The following DCX variants were observed in gnomAD, a reference collection of about 807,000 sequenced individuals.
DCX encodes the protein neuronal migration protein doublecortin.
A neutral mutation model predicts 20.9 loss-of-function variants in DCX; 4 were observed. That is an observed-to-expected ratio of 0.19 (90% CI 0.09 to 0.44). The LOEUF is 0.44. Ranked by LOEUF, DCX falls within the 20% of genes least tolerant of loss-of-function variation. DCX has a pLI of 0.99. For missense variants in DCX, 133 were observed against 296.9 expected, an observed-to-expected ratio of 0.45 and a Z score of 4.06; for synonymous variants, 103 against 111.4, an observed-to-expected ratio of 0.92 and a Z score of 0.47.
At chrX:111,336,916 G>T (rs1603416197) in intron 3 of DCX, among the ~76,000 whole-genome samples, 1 of 110,887 alleles carries the variant, frequency 9.0e-6, no homozygotes, top group Non-Finnish European at 1.9e-5. Flanking sequence ...GGAGAAGGAG[G>T]ACAAGGAGAG....
intron 3 of DCX, among the ~76,000 whole-genome samples, chrX:111,351,177 G>A (rs1923271393): frequency 8.9e-6 from 1 of 111,797 alleles, no homozygotes; most frequent in Admixed American, 9.5e-5. Context: ...ATAGGTAAGA[G>A]GATACAGTGT....
intron 3 of DCX, among the ~76,000 whole-genome samples, chrX:111,362,309 A>C (rs1197921538): frequency 9.0e-6 from 1 of 110,916 alleles, no homozygotes; most frequent in Non-Finnish European, 1.9e-5. Flanking sequence ...TTCATTCTTC[A>C]TCCTCTCCTC....
chrX:111,344,416 C>T (rs763852367), intron 3 of DCX, among the ~76,000 whole-genome samples: 4 of 111,428 alleles, frequency 3.6e-5, no homozygotes, highest in Admixed American at 9.5e-5. Context: ...AATAAATAAA[C>T]GGTATTCAAG....
intron 3 of DCX, among the ~76,000 whole-genome samples, chrX:111,397,298 A>G (rs934929987): frequency 1.8e-5 from 2 of 111,888 alleles, no homozygotes; most frequent in Middle Eastern, 4.6e-3. Flanking sequence ...ATTCCATAAC[A>G]AATAGTCTTG....
intron 3 of DCX, among the ~76,000 whole-genome samples, chrX:111,379,908 G>A (rs1026677336): frequency 1.8e-5 from 2 of 110,947 alleles, no homozygotes; most frequent in African/African-American, 6.5e-5. Flanking sequence ...GGTGTAAAGT[G>A]GTATCTCATT....
intron 3 of DCX, among the ~76,000 whole-genome samples, chrX:111,395,198 A>T (rs376410412): frequency 2.7e-5 from 3 of 111,993 alleles, no homozygotes; most frequent in African/African-American, 9.7e-5. Flanking sequence ...AAGGCTCCTT[A>T]AAAAATTAAG....
intron 3 of DCX, among the ~76,000 whole-genome samples, chrX:111,363,287 T>C (rs1182755435): frequency 9.1e-6 from 1 of 109,860 alleles, no homozygotes; most frequent in Non-Finnish European, 1.9e-5. Flanking sequence ...CACAAGCCAA[T>C]GGGGAGGGTG....
chrX:111,401,104 C>T lies in DCX; in HGVS notation c.591G>A (p.Val197=). The T allele has an allele frequency of 8.3e-7, 1 of 1,211,532 alleles. No homozygotes were observed. Among genetic ancestry groups the T allele is most frequent in the South Asian group, 1.8e-5 (1 of 56,968 alleles). The change falls in exon 3 of 7, where the codon GTG becomes GTA. Residue 197 remains valine, a synonymous_variant. Coordinates refer to ENST00000636035, the MANE Select transcript of DCX (RefSeq NM_001195553.2). ...SGVKPRKAVR[V]LLNKKTAHSF... ...AGTGGGCTGTCTTCTTGTTCAGAAG[C>T]ACACGCACAGCCTTCCGAGGCTTCA...
At chrX:111,379,272 G>C (rs1468354900) in intron 3 of DCX, among the ~76,000 whole-genome samples, 1 of 111,033 alleles carries the variant, frequency 9.0e-6, no homozygotes, top group East Asian at 2.8e-4. Context: ...ATGGTTTTTG[G>C]TACATACACA....
chrX:111,400,255 T>G, intron 3 of DCX, among the ~76,000 whole-genome samples: 1 of 111,660 alleles, frequency 9.0e-6, no homozygotes, highest in South Asian at 3.8e-4. Flanking sequence ...ATCTGTCTGA[T>G]GGAGACGCCT....
chrX:111,396,821 T>C (rs1423007450), intron 3 of DCX, among the ~76,000 whole-genome samples: 3 of 111,511 alleles, frequency 2.7e-5, no homozygotes, highest in African/African-American at 9.8e-5. Context: ...GAAGTCCATT[T>C]TAATCCCTGG....
Position 111,301,502 on chromosome X carries a change from G to A in DCX, c.*185C>T, listed in dbSNP as rs1387445892. 8.0e-6 allele frequency: 4 copies of A among 501,322 alleles called. No homozygotes were observed. The highest frequency in any genetic ancestry group is 1.4e-5 in the Non-Finnish European group (4 of 278,107). The allele number at this position is 501,322 out of a possible 1,213,427, so 41.3% of individuals were successfully genotyped here. ...TCTCATAATTGGTAACTGTGGATCA[G>A]TGGCCCAGAGGAGAAATCACAGGAA... On this transcript the variant is annotated 3_prime_UTR_variant, in exon 7 of 7. Coordinates refer to ENST00000636035, the MANE Select transcript of DCX (RefSeq NM_001195553.2).
chrX:111,320,642 T>C (rs2095084231), intron 5 of DCX, among the ~76,000 whole-genome samples: 1 of 110,924 alleles, frequency 9.0e-6, no homozygotes, highest in Non-Finnish European at 1.9e-5. Flanking sequence ...TTATATATGG[T>C]ACAAATTCTC....
chrX:111,383,274 T>C (rs1926122003), intron 3 of DCX, among the ~76,000 whole-genome samples: 2 of 112,115 alleles, frequency 1.8e-5, no homozygotes, highest in South Asian at 7.6e-4. Context: ...TATAGATTTA[T>C]GTCCTTGTGC....
At chrX:111,395,470 T>C (rs1004339659) in intron 3 of DCX, among the ~76,000 whole-genome samples, 6 of 112,180 alleles carry the variant, frequency 5.3e-5, no homozygotes, top group African/African-American at 1.9e-4. Flanking sequence ...ACTGAAGAAA[T>C]AACTGATCAC....
chrX:111,337,363 C>T (rs1453837157), intron 3 of DCX, among the ~76,000 whole-genome samples: 2 of 110,316 alleles, frequency 1.8e-5, no homozygotes, highest in Admixed American at 9.7e-5. Flanking sequence ...AACATTGAAC[C>T]ATTAACTCAA....
At chrX:111,365,261 G>C (rs766088601) in intron 3 of DCX, among the ~76,000 whole-genome samples, 1 of 108,810 alleles carries the variant, frequency 9.2e-6, no homozygotes, top group African/African-American at 3.3e-5. Flanking sequence ...AAGCAGAACT[G>C]TTCACTCATT....
chrX:111,320,866 C>T (rs1443240990), intron 5 of DCX, among the ~76,000 whole-genome samples: 1 of 110,237 alleles, frequency 9.1e-6, no homozygotes, highest in Non-Finnish European at 1.9e-5. Flanking sequence ...CACACACATG[C>T]ACACACATGT....
intron 3 of DCX, among the ~76,000 whole-genome samples, chrX:111,350,620 G>C (rs182923233): frequency 8.9e-6 from 1 of 111,932 alleles, no homozygotes; most frequent in African/African-American, 3.2e-5. Flanking sequence ...TGTACCCTTA[G>C]TCCACAGAGC....
Sources: allele counts gnomAD v4.1 joint callset (sites outside exome capture counted in the v4.1 genomes callset), GRCh38; gene constraint gnomAD v4.1.1; transcripts MANE v1.5; gene names NCBI Gene and HGNC (gene_info 2026-07-23, HGNC 2026-07-21).